The following ITFG1 variants were observed in gnomAD, a reference collection of about 807,000 sequenced individuals.
ITFG1 encodes integrin alpha FG-GAP repeat containing 1, also known as T-cell immunomodulatory protein.
A neutral mutation model predicts 81.8 loss-of-function variants in ITFG1; 34 were observed. That is an observed-to-expected ratio of 0.42 (90% CI 0.32 to 0.55). ITFG1 has a LOEUF of 0.55. Ranked by LOEUF, ITFG1 falls within the 20% of genes least tolerant of loss-of-function variation. The pLI is 0.17. For synonymous variants in ITFG1, 285 were observed against 270.6 expected (o/e 1.05, Z -0.52); for missense variants, 672 against 755.4 (o/e 0.89, Z 1.29).
At position 47,428,879 on chromosome 16, in the gene ITFG1, C is replaced by G. The variant is rs748403336; in HGVS notation, c.580G>C (p.Ala194Pro). Reference sequence around the variant, plus strand: ...CGCATTTTACTTGTAGTGGTCAATGCTGGATGCCATGATAAATTCCTAAAA... The same window carrying G: ...CGCATTTTACTTGTAGTGGTCAATGGTGGATGCCATGATAAATTCCTAAAA... The part of the protein sequence containing the change: ...LLGGNLSWHP[A>P]LTTTSKMRIP... The change falls in exon 6 of 18, where the codon GCA becomes CCA. Residue 194 changes from alanine to proline, a missense_variant. Around this residue, in one of 3 missense-constraint regions of ITFG1, gnomAD observed 560 missense variants for 625.7 expected, o/e 0.90. Transcript: ENST00000320640. 1.3e-5 allele frequency: 20 copies of G among 1,592,968 alleles called. No homozygotes were observed. The highest frequency in any genetic ancestry group is 1.7e-5 in the Non-Finnish European group (20 of 1,167,158).
intron 12 of ITFG1, among the ~76,000 whole-genome samples, chr16:47,254,942 C>T (rs944860502): frequency 2.0e-5 from 3 of 151,950 alleles, no homozygotes; most frequent in South Asian, 2.1e-4. Flanking sequence ...AAAAGATTAG[C>T]GAGGCATGGC....
intron 10 of ITFG1, among the ~76,000 whole-genome samples, chr16:47,278,035 C>T (rs1161245343): frequency 6.6e-6 from 1 of 152,038 alleles, no homozygotes; most frequent in Non-Finnish European, 1.5e-5. Context: ...CAGCATTAAA[C>T]CAATTATTTA....
intron 10 of ITFG1, among the ~76,000 whole-genome samples, chr16:47,284,112 T>C (rs568034153): frequency 6.6e-6 from 1 of 152,276 alleles, no homozygotes; most frequent in South Asian, 2.1e-4. Context: ...CTTAGAAGTG[T>C]GAGGTTTTCT....
At chr16:47,296,368 T>C (rs990567933) in intron 10 of ITFG1, among the ~76,000 whole-genome samples, 5 of 152,176 alleles carry the variant, frequency 3.3e-5, no homozygotes, top group Non-Finnish European at 2.9e-5. Flanking sequence ...TTTAATTTCC[T>C]TTTTAATTTC....
At chr16:47,460,677 G>A (rs2151622201) in intron 1 of ITFG1, among the ~76,000 whole-genome samples, 161 bp downstream of exon 1, 1 of 152,278 alleles carries the variant, frequency 6.6e-6, no homozygotes, top group South Asian at 2.1e-4. Flanking sequence ...GGAAAGGGTG[G>A]TGCAAAAGGA....
chr16:47,294,537 AAAGTTTTGTAGTTTTCCTTG>A (rs1567448562), intron 10 of ITFG1, among the ~76,000 whole-genome samples: 2 of 152,062 alleles, frequency 1.3e-5, no homozygotes, highest in Non-Finnish European at 2.9e-5. Context: ...TTCTTTCATC[AAAGTTTTGTAGTTTTCCTTG>A]TAGAGATCTT....
intron 10 of ITFG1, among the ~76,000 whole-genome samples, chr16:47,261,445 C>A (rs1966208253): frequency 6.6e-6 from 1 of 152,140 alleles, no homozygotes; most frequent in African/African-American, 2.4e-5. Context: ...AGTTAGTACT[C>A]AATGAAAGTG....
At chr16:47,203,159 T>G (rs1315655576) in intron 14 of ITFG1, among the ~76,000 whole-genome samples, 1 of 152,234 alleles carries the variant, frequency 6.6e-6, no homozygotes, top group Non-Finnish European at 1.5e-5. Context: ...TGAAATATTA[T>G]TCAGCCTTAA....
chr16:47,363,542 C>T (rs1010275040), intron 8 of ITFG1, among the ~76,000 whole-genome samples: 5 of 152,134 alleles, frequency 3.3e-5, no homozygotes, highest in African/African-American at 1.2e-4. Flanking sequence ...CATACACAAC[C>T]TTTTCTAAAT....
chr16:47,225,542 C>T (rs1304774927), intron 13 of ITFG1, among the ~76,000 whole-genome samples: 2 of 152,230 alleles, frequency 1.3e-5, no homozygotes, highest in Non-Finnish European at 1.5e-5. Flanking sequence ...ATGTTGAAAG[C>T]AGCAAGAGAC....
intron 8 of ITFG1, among the ~76,000 whole-genome samples, chr16:47,353,126 G>T (rs541649568): frequency 6.6e-6 from 1 of 152,010 alleles, no homozygotes; most frequent in Non-Finnish European, 1.5e-5. Context: ...GAGTTAATGG[G>T]TGCAGCACAC....
intron 6 of ITFG1, among the ~76,000 whole-genome samples, chr16:47,412,528 A>T (rs1469509268): frequency 2.0e-5 from 3 of 151,104 alleles, no homozygotes; most frequent in African/African-American, 7.3e-5. Context: ...CTGAAGATTT[A>T]AAAAAAAAGA....
chr16:47,258,777 A>G (rs749110305), intron 11 of ITFG1, 37 bp from the exon 12 acceptor site: 7 of 928,954 alleles, frequency 7.5e-6, no homozygotes, highest in East Asian at 5.4e-5. Context: ...AGAACAAACT[A>G]TTAGACCAAC....
intron 4 of ITFG1, 62 bp downstream of exon 4, chr16:47,452,671 G>A: frequency 9.1e-7 from 1 of 1,096,514 alleles, no homozygotes; most frequent in Non-Finnish European, 1.4e-6. Flanking sequence ...AGTTTCCTAT[G>A]TGAAGATTTT....
chr16:47,181,314 CG>C (rs1316866774), intron 14 of ITFG1, among the ~76,000 whole-genome samples: 2 of 150,970 alleles, frequency 1.3e-5, no homozygotes, highest in Non-Finnish European at 3.0e-5. Flanking sequence ...AAGTGAGGAG[CG>C]TCTCCGCCTG....
intron 5 of ITFG1, among the ~76,000 whole-genome samples, chr16:47,438,402 T>G (rs929960708): frequency 1.1e-4 from 16 of 152,212 alleles, no homozygotes; most frequent in Non-Finnish European, 1.5e-5. Flanking sequence ...AGTGGGTCCC[T>G]GACTCCTGAG....
chr16:47,418,895 A>C (rs1968906015), intron 6 of ITFG1, among the ~76,000 whole-genome samples: 2 of 152,158 alleles, frequency 1.3e-5, no homozygotes. Flanking sequence ...TGTTTCATAA[A>C]AATTTTAGGA....
intron 12 of ITFG1, among the ~76,000 whole-genome samples, chr16:47,246,910 T>C (rs1966008326): frequency 6.6e-6 from 1 of 152,116 alleles, no homozygotes; most frequent in Admixed American, 6.5e-5. Flanking sequence ...TTTTCGTGCC[T>C]CAGCCTCCCA....
At chr16:47,174,589 C>T (rs1045245362) in intron 14 of ITFG1, among the ~76,000 whole-genome samples, 13 of 152,026 alleles carry the variant, frequency 8.6e-5, no homozygotes, top group Non-Finnish European at 1.9e-4. Context: ...GGTACGATCT[C>T]GGCTCAGTGC....
Sources: gnomAD v4.1 joint callset for allele counts (sites outside exome capture counted in the v4.1 genomes callset) on GRCh38, gnomAD v4.1.1 for gene constraint, gnomAD v4.1.1 regional missense constraint, MANE v1.5 for transcripts, NCBI Gene and HGNC (gene_info 2026-07-23, HGNC 2026-07-21) for gene names.